The following PKIB variants were observed in gnomAD, a reference collection of about 807,000 sequenced individuals.
PKIB encodes PKI-beta.
PKIB carries 2 observed loss-of-function variants against 4.5 expected under a neutral mutation model. The ratio of observed to expected loss-of-function variants is 0.44; its 90% CI spans 0.18 to 1.39. The LOEUF is 1.39. Ranked by LOEUF, PKIB falls within the 40% of genes most tolerant of loss-of-function variation. PKIB has a pLI of 0.27. For synonymous variants in PKIB, 38 were observed against 36.0 expected, an observed-to-expected ratio of 1.06 and a Z score of -0.20; for missense variants, 94 against 92.6, an observed-to-expected ratio of 1.02 and a Z score of -0.06.
intron 2 of PKIB, among the ~76,000 whole-genome samples, chr6:122,662,308 C>CTTTATTTTTTTTTTTTT (rs1777030847): frequency 7.5e-5 from 1 of 13,252 alleles, no homozygotes; most frequent in Non-Finnish European, 1.5e-4. Context: ...TCCTTGTCTC[C>CTTTATTTTTTTTTTTTT]TTTTTTTTTT....
intron 1 of PKIB, among the ~76,000 whole-genome samples, chr6:122,624,312 T>G (rs1027721981): frequency 6.6e-6 from 1 of 152,194 alleles, no homozygotes; most frequent in Non-Finnish European, 1.5e-5. Context: ...TGGGCCATAG[T>G]CCATAGCAGG....
intron 3 of PKIB, among the ~76,000 whole-genome samples, chr6:122,677,510 A>C (rs1777718218): frequency 6.6e-6 from 1 of 152,214 alleles, no homozygotes. Flanking sequence ...GTAAAGAATG[A>C]AAATGATGAG....
chr6:122,536,110 T>G (rs1303246344), intron 2 of PKIB, among the ~76,000 whole-genome samples: 1 of 152,100 alleles, frequency 6.6e-6, no homozygotes, highest in Non-Finnish European at 1.5e-5. Flanking sequence ...CAGCTAATTT[T>G]TGTACTTTCA....
At chr6:122,540,873 G>C (rs1056228897) in intron 2 of PKIB, among the ~76,000 whole-genome samples, 1 of 150,352 alleles carries the variant, frequency 6.7e-6, no homozygotes, top group Non-Finnish European at 1.5e-5. Flanking sequence ...TCCTGTATTG[G>C]GTGCATATAT....
chr6:122,631,600 T>A (rs1377869487), intron 1 of PKIB, among the ~76,000 whole-genome samples: 1 of 152,198 alleles, frequency 6.6e-6, no homozygotes, highest in Non-Finnish European at 1.5e-5. Context: ...TGTGATCTTC[T>A]TTAAATGTCA....
chr6:122,576,812 G>A (rs575002663), intron 2 of PKIB, among the ~76,000 whole-genome samples: 1 of 149,676 alleles, frequency 6.7e-6, no homozygotes, highest in African/African-American at 2.5e-5. Flanking sequence ...AGGCATATGT[G>A]TATTATCGCA....
intron 2 of PKIB, among the ~76,000 whole-genome samples, chr6:122,641,377 T>G (rs1354066862): frequency 6.6e-6 from 1 of 152,190 alleles, no homozygotes; most frequent in East Asian, 1.9e-4. Flanking sequence ...CAGAACGTTA[T>G]TGCTAGAAAA....
intron 2 of PKIB, among the ~76,000 whole-genome samples, chr6:122,655,943 G>A (rs1776761510): frequency 1.3e-5 from 2 of 152,006 alleles, no homozygotes; most frequent in Middle Eastern, 3.4e-3. Flanking sequence ...AACTTAAAAA[G>A]GTGCTTGAAA....
chr6:122,523,343 A>G (rs1777001344), intron 2 of PKIB, among the ~76,000 whole-genome samples: 2 of 152,084 alleles, frequency 1.3e-5, no homozygotes, highest in African/African-American at 2.4e-5. Flanking sequence ...AATAAATCCT[A>G]CTTGTTCATG....
chr6:122,636,711 G>T (rs1481477188), intron 2 of PKIB, among the ~76,000 whole-genome samples: 2 of 152,054 alleles, frequency 1.3e-5, no homozygotes, highest in Non-Finnish European at 2.9e-5. Flanking sequence ...TTGGCAAAAT[G>T]ATTATTAAAA....
At position 122,587,967 on chromosome 6, in the gene PKIB, G is replaced by A. The variant is rs1406097007; in HGVS notation, c.-161+1960G>A. On this transcript the variant is annotated intron_variant, in intron 3 of 6. Coordinates refer to the PKIB transcript ENST00000392491. ...GATTGCAAAAATTTTCTCCCATTCT[G>A]TAGGTTACCTGTTCACTCTGATGGT... is the stretch of plus-strand genomic sequence containing the variant. Among the ~76,000 whole-genome samples the A allele has an allele frequency of 4.6e-5, 7 of 152,256 alleles. No individual in the cohort carries two copies. The East Asian group carries it at 5.8e-4, about 13-fold the overall frequency.
At chr6:122,499,541 G>T (rs1263001577) in intron 2 of PKIB, among the ~76,000 whole-genome samples, 1 of 152,084 alleles carries the variant, frequency 6.6e-6, no homozygotes, top group Non-Finnish European at 1.5e-5. Flanking sequence ...CAACAAACTA[G>T]TCATCAAAGA....
intron 2 of PKIB, among the ~76,000 whole-genome samples, chr6:122,582,885 C>G (rs917935016): frequency 2.4e-4 from 36 of 151,978 alleles, no homozygotes; most frequent in African/African-American, 8.0e-4. Context: ...GAATGAAAGA[C>G]TAGAATATGG....
intron 2 of PKIB, among the ~76,000 whole-genome samples, chr6:122,503,056 T>C (rs1776291681): frequency 6.6e-6 from 1 of 152,296 alleles, no homozygotes; most frequent in East Asian, 1.9e-4. Context: ...TCTCTGTGTC[T>C]TCATGTAGTG....
At chr6:122,487,146 A>T (rs1234844797) in intron 2 of PKIB, among the ~76,000 whole-genome samples, 2 of 152,150 alleles carry the variant, frequency 1.3e-5, no homozygotes, top group East Asian at 1.9e-4. Context: ...TGTCCCAGTG[A>T]TATATTTTAT....
In PKIB at chr6:122,726,195, T is replaced by G. The variant is rs1424929172; in HGVS notation, c.*1000T>G. 1 of 152,148 alleles carries G rather than the reference T, an allele frequency of 6.6e-6. No individual in the cohort carries two copies. Among genetic ancestry groups the G allele is most frequent in the Non-Finnish European group, 1.5e-5 (1 of 68,002 alleles). 9.4% of individuals were successfully genotyped at this position (152,148 alleles called of 1,614,324 possible). A position where few individuals can be genotyped will look rare whatever the true frequency, so the allele number is the denominator to read the frequency against. ...AACCAAAGTGTTAGTAAATTTTGAT[T>G]TATTAGATATTTTAGAAAAATAATA... is the stretch of plus-strand genomic sequence containing the variant. On this transcript the variant is annotated 3_prime_UTR_variant, in exon 5 of 5. Coordinates refer to ENST00000368452, the MANE Select transcript of PKIB (RefSeq NM_181795.3).
At chr6:122,711,140 CACACAA>C (rs1779259272) in intron 3 of PKIB, among the ~76,000 whole-genome samples, 1 of 151,944 alleles carries the variant, frequency 6.6e-6, no homozygotes, top group Admixed American at 6.6e-5. Flanking sequence ...ATAGCACACA[CACACAA>C]ACACACACAC....
chr6:122,594,888 T>G (rs574605089), intron 3 of PKIB, among the ~76,000 whole-genome samples: 1 of 152,258 alleles, frequency 6.6e-6, no homozygotes, highest in East Asian at 1.9e-4. Flanking sequence ...GTAGACTGAT[T>G]TCATCTATAG....
At chr6:122,701,795 G>A (rs1441460556) in intron 3 of PKIB, among the ~76,000 whole-genome samples, 1 of 152,132 alleles carries the variant, frequency 6.6e-6, no homozygotes, top group Non-Finnish European at 1.5e-5. Context: ...ATTCAGAGAT[G>A]CCTAGACAAC....
Sources: allele counts gnomAD v4.1 joint callset (sites outside exome capture counted in the v4.1 genomes callset), GRCh38; gene constraint gnomAD v4.1.1; transcripts MANE v1.5; gene names NCBI Gene and HGNC (gene_info 2026-07-23, HGNC 2026-07-21).